MCTP1: variants seen among roughly 807,000 people sequenced by gnomAD.
MCTP1 encodes multiple C2 and transmembrane domain-containing protein 1.
A neutral mutation model predicts 120.6 loss-of-function variants in MCTP1; 69 were observed. That is an observed-to-expected ratio of 0.57 (90% confidence interval 0.47 to 0.70). MCTP1 has a LOEUF of 0.70. Among genes scored for constraint, MCTP1 ranks in the 30% least tolerant of loss-of-function variants. The pLI, the probability that MCTP1 is intolerant of heterozygous loss-of-function variation, is 0.00. For missense variants in MCTP1, 1,203 were observed against 1,248.8 expected (o/e 0.96, Z 0.55); for synonymous variants, 529 against 493.1 (o/e 1.07, Z -0.96).
intron 13 of MCTP1, among the ~76,000 whole-genome samples, chr5:94,872,279 G>A (rs908956474): frequency 6.6e-6 from 1 of 151,938 alleles, no homozygotes; most frequent in Admixed American, 6.6e-5. Flanking sequence ...ATTCAGTTAC[G>A]CATTCTGGAG....
At chr5:94,848,630 T>C (rs1011375783) in intron 17 of MCTP1, among the ~76,000 whole-genome samples, 1 of 152,100 alleles carries the variant, frequency 6.6e-6, no homozygotes, top group Non-Finnish European at 1.5e-5. Context: ...ATGATTGAAT[T>C]AATTTCAAAT....
intron 1 of MCTP1, among the ~76,000 whole-genome samples, chr5:95,251,020 T>C (rs1250595556): frequency 1.3e-5 from 2 of 152,122 alleles, no homozygotes; most frequent in South Asian, 4.1e-4. Flanking sequence ...AGCAGAGATT[T>C]AGCAAAGAAA....
chr5:95,228,786 T>G (rs890040230), intron 1 of MCTP1, among the ~76,000 whole-genome samples: 1 of 152,110 alleles, frequency 6.6e-6, no homozygotes, highest in Non-Finnish European at 1.5e-5. Flanking sequence ...GTTAAAAGTG[T>G]GTAGCACCTC....
At chr5:95,120,599 A>G (rs1259019692) in intron 1 of MCTP1, among the ~76,000 whole-genome samples, 2 of 152,248 alleles carry the variant, frequency 1.3e-5, no homozygotes, top group Admixed American at 6.5e-5. Flanking sequence ...AATCATTTCA[A>G]TTGATGTTGA....
At chr5:95,204,727 G>A (rs1014906363) in intron 1 of MCTP1, among the ~76,000 whole-genome samples, 10 of 151,528 alleles carry the variant, frequency 6.6e-5, no homozygotes, top group African/African-American at 2.4e-4. Context: ...AACCAATAAG[G>A]AAATTTAAAA....
chr5:94,961,381 G>A (rs1000003346), intron 2 of MCTP1, among the ~76,000 whole-genome samples: 16 of 151,896 alleles, frequency 1.1e-4, no homozygotes, highest in Non-Finnish European at 1.8e-4. Context: ...AAATCTGCAC[G>A]TTCTGAACAT....
chr5:94,860,973 CTTTGA>C (rs748685197), intron 17 of MCTP1, among the ~76,000 whole-genome samples: 1 of 151,746 alleles, frequency 6.6e-6, no homozygotes, highest in African/African-American at 2.4e-5. Flanking sequence ...TGAGAGCTGA[CTTTGA>C]TTTATCAAAT....
intron 21 of MCTP1, chr5:94,710,477 A>G: frequency 4.8e-6 from 1 of 207,954 alleles, no homozygotes; most frequent in South Asian, 9.9e-5. Flanking sequence ...ATATTTTCCT[A>G]AATGCACCAT....
At chr5:95,000,579 TA>T (rs1199976285) in intron 2 of MCTP1, among the ~76,000 whole-genome samples, 10 of 152,120 alleles carry the variant, frequency 6.6e-5, no homozygotes, top group Admixed American at 3.9e-4. Context: ...TCTAAAATGT[TA>T]AAAATATTTA....
chr5:94,710,576 T>G, intron 21 of MCTP1: 1 of 375,918 alleles, frequency 2.7e-6, no homozygotes, highest in South Asian at 5.1e-5. Flanking sequence ...ATATGAAGAA[T>G]CTGCACAACT....
At chr5:94,933,430 A>T (rs977235982) in intron 5 of MCTP1, among the ~76,000 whole-genome samples, 7 of 151,748 alleles carry the variant, frequency 4.6e-5, no homozygotes, top group Admixed American at 3.3e-4. Context: ...CATCATCACC[A>T]AAAGGCAACT....
intron 3 of MCTP1, among the ~76,000 whole-genome samples, chr5:94,948,129 C>T (rs146174664): frequency 2.0e-5 from 3 of 152,184 alleles, no homozygotes; most frequent in East Asian, 3.9e-4. Flanking sequence ...AAAAACAAAA[C>T]CTAACTATGA....
intron 1 of MCTP1, among the ~76,000 whole-genome samples, chr5:95,050,550 G>T (rs1325783405): frequency 6.6e-6 from 1 of 152,186 alleles, no homozygotes; most frequent in East Asian, 1.9e-4. Flanking sequence ...GGTAGCAGCA[G>T]CCTGGGTGTA....
chr5:94,960,881 A>G (rs529214639), intron 2 of MCTP1, among the ~76,000 whole-genome samples: 11 of 152,328 alleles, frequency 7.2e-5, no homozygotes, highest in East Asian at 3.9e-4. Flanking sequence ...TCAAGAATCT[A>G]GAACTAGAAA....
chr5:95,007,095 A>G (rs970537353), intron 2 of MCTP1, among the ~76,000 whole-genome samples: 29 of 152,172 alleles, frequency 1.9e-4, no homozygotes, highest in African/African-American at 7.0e-4. Flanking sequence ...CCTTCTTCAC[A>G]TGGTGGCAGG....
intron 1 of MCTP1, among the ~76,000 whole-genome samples, chr5:95,134,705 T>C (rs1480246533): frequency 1.3e-5 from 2 of 152,086 alleles, no homozygotes; most frequent in Non-Finnish European, 1.5e-5. Context: ...AAGCTCTGCT[T>C]GCAACACTTT....
At chr5:94,771,727 T>C (rs1774126667) in intron 19 of MCTP1, among the ~76,000 whole-genome samples, 1 of 152,172 alleles carries the variant, frequency 6.6e-6, no homozygotes, top group Non-Finnish European at 1.5e-5. Flanking sequence ...TAAAATACAG[T>C]ATTGTTTGGA....
chr5:95,128,004 C>T (rs1758760537), intron 1 of MCTP1, among the ~76,000 whole-genome samples: 1 of 152,148 alleles, frequency 6.6e-6, no homozygotes, highest in African/African-American at 2.4e-5. Flanking sequence ...TCAAGTTATA[C>T]TAGAAAGCCA....
intron 1 of MCTP1, among the ~76,000 whole-genome samples, chr5:95,130,671 G>A (rs1220194322): frequency 1.3e-5 from 2 of 152,104 alleles, no homozygotes; most frequent in African/African-American, 4.8e-5. Context: ...CTTGTCGATG[G>A]CTGTCTTCTC....
Sources: gnomAD v4.1 joint callset for allele counts (sites outside exome capture counted in the v4.1 genomes callset) on GRCh38, gnomAD v4.1.1 for gene constraint, MANE v1.5 for transcripts, NCBI Gene and HGNC (gene_info 2026-07-23, HGNC 2026-07-21) for gene names.